LRIG1: variants seen among roughly 807,000 people sequenced by gnomAD.
LRIG1 encodes the protein leucine rich repeats and immunoglobulin like domains 1, also known as leucine-rich repeats and immunoglobulin-like domains protein 1.
A neutral mutation model predicts 99.2 loss-of-function variants in LRIG1; 48 were observed. That is an observed-to-expected ratio of 0.48 (90% CI 0.38 to 0.62). LRIG1 has a LOEUF of 0.62. LRIG1 is among the 20% of genes least tolerant of loss of function. The probability of loss-of-function intolerance (pLI) is 0.00; values close to 1 mark genes in which losing one functional copy is unlikely to be tolerated. For synonymous variants in LRIG1, 772 were observed against 596.1 expected (o/e 1.29, Z -4.30); for missense variants, 1,646 against 1,434.4 (o/e 1.15, Z -2.38).
intron 12 of LRIG1, 117 bp downstream of exon 12, chr3:66,393,923 T>A: frequency 9.3e-7 from 1 of 1,080,350 alleles, no homozygotes. Flanking sequence ...CAGCAGCTGA[T>A]CTGTAACCAC....
chr3:66,448,544 G>A (rs923894602), intron 3 of LRIG1, among the ~76,000 whole-genome samples: 1 of 139,964 alleles, frequency 7.1e-6, no homozygotes, highest in African/African-American at 2.5e-5. Flanking sequence ...AAGCTTCGAG[G>A]GTACTTCTAC....
At chr3:66,475,740 T>A (rs1194389899) in intron 1 of LRIG1, among the ~76,000 whole-genome samples, 1 of 152,194 alleles carries the variant, frequency 6.6e-6, no homozygotes, top group Non-Finnish European at 1.5e-5. Context: ...AGAAAGCACC[T>A]GCACAAACTC....
chr3:66,465,192 G>A (rs1198665010), intron 1 of LRIG1, among the ~76,000 whole-genome samples: 4 of 152,086 alleles, frequency 2.6e-5, no homozygotes, highest in African/African-American at 9.7e-5. Context: ...TTAAGTCTGA[G>A]AAGCAAGTGG....
chr3:66,398,070 CT>C, intron 11 of LRIG1, 41 bp downstream of exon 11: 1 of 1,462,900 alleles, frequency 6.8e-7, no homozygotes, highest in African/African-American at 1.4e-5. Flanking sequence ...CTCTGAAAGT[CT>C]CCACTACCAT....
At chr3:66,467,606 C>A (rs990304676) in intron 1 of LRIG1, among the ~76,000 whole-genome samples, 3 of 152,164 alleles carry the variant, frequency 2.0e-5, no homozygotes, top group African/African-American at 2.4e-5. Context: ...CGTGATGTGC[C>A]CGCCTCGGCC....
chr3:66,457,117 G>A (rs1700245819), intron 2 of LRIG1, among the ~76,000 whole-genome samples: 1 of 152,204 alleles, frequency 6.6e-6, no homozygotes, highest in Non-Finnish European at 1.5e-5. Context: ...ACTGCCTGCT[G>A]TTCTGCCAGC....
rs761254734 is a variant in LRIG1 at position 66,385,965 on chromosome 3, G to C, written c.1789+16C>G. 1.2e-6 allele frequency: 2 copies of C among 1,606,446 alleles called. No homozygotes were observed. The highest frequency in any genetic ancestry group is 1.7e-4 in the Middle Eastern group (1 of 6,034). On this transcript the variant is annotated intron_variant, in intron 13 of 18. Transcript: ENST00000273261. ...TGTAGGATTCTGGTACTATAACAAA[G>C]ATGGTGTTTCCATACCATTCACGGT...
intron 9 of LRIG1, chr3:66,401,531 T>A: frequency 2.0e-6 from 2 of 986,350 alleles, no homozygotes; most frequent in Non-Finnish European, 2.9e-6. Flanking sequence ...ACGGTGACAA[T>A]AGCAATAAAA....
At chr3:66,484,273 T>A (rs1043185770) in intron 1 of LRIG1, among the ~76,000 whole-genome samples, 1 of 152,198 alleles carries the variant, frequency 6.6e-6, no homozygotes, top group Non-Finnish European at 1.5e-5. Context: ...ACTATCTCTA[T>A]CTACACTGGT....
chr3:66,434,755 TAAA>T (rs71616222), intron 3 of LRIG1, among the ~76,000 whole-genome samples: 1 of 100,262 alleles, frequency 1.0e-5, no homozygotes, highest in Non-Finnish European at 2.3e-5. Context: ...TCAAAAAAAT[TAAA>T]AAAAAAAAAA....
At position 66,407,395 on chromosome 3, in the gene LRIG1, G is replaced by A; in HGVS notation, c.1032C>T (p.Ser344=). ...CCTTGAAGGCACCCTCCGCAATGTG[G>A]CTGATGGAATTGTGGCTGAGACGCA... The part of the protein sequence containing the change: ...SVLRLSHNSI[S]HIAEGAFKGL... Residue 344 remains serine, a synonymous_variant, in exon 8 of 19, where the codon AGC becomes AGT. Transcript: ENST00000273261. 1 of 1,614,124 alleles carries A rather than the reference G, an allele frequency of 6.2e-7. No homozygotes were observed. The highest frequency in any genetic ancestry group is 2.2e-5 in the East Asian group (1 of 44,872).
At chr3:66,405,614 T>C (rs954326434) in intron 8 of LRIG1, 3 of 675,030 alleles carry the variant, frequency 4.4e-6, no homozygotes, top group Non-Finnish European at 6.3e-6. Flanking sequence ...GCACTGAGAA[T>C]CAACCCAAAA....
rs140011990 is a variant in LRIG1 at position 66,419,729 on chromosome 3, T to C, written c.366-2463A>G. Among the ~76,000 whole-genome samples, 222 of 152,042 alleles carry C rather than the reference T, an allele frequency of 1.5e-3. 1 individual carries two copies. Among genetic ancestry groups the C allele is most frequent in the African/African-American group, 5.0e-3 (209 of 41,480 alleles). ...GAGACAGGCACAAGAGACCCTCTGA[T>C]TAGGTCCTACCCACCCTACCAGCTC... On this transcript the variant is annotated intron_variant, in intron 3 of 18. Transcript: ENST00000273261.
intron 3 of LRIG1, among the ~76,000 whole-genome samples, chr3:66,443,648 T>C (rs1186802729): frequency 1.3e-5 from 2 of 152,198 alleles, no homozygotes; most frequent in African/African-American, 4.8e-5. Context: ...GTATGACAAC[T>C]GTCTGTTCAC....
chr3:66,430,646 C>T (rs1482642475), intron 3 of LRIG1, among the ~76,000 whole-genome samples: 2 of 152,136 alleles, frequency 1.3e-5, no homozygotes, highest in Non-Finnish European at 2.9e-5. Context: ...TTCTAAGGGG[C>T]TTGAGGAGTT....
intron 1 of LRIG1, among the ~76,000 whole-genome samples, chr3:66,467,744 A>G (rs142459048): frequency 7.4e-4 from 113 of 152,376 alleles, no homozygotes; most frequent in African/African-American, 2.6e-3. Context: ...GGTTATTTCT[A>G]TCAGCACTGA....
chr3:66,461,522 G>A (rs904655290), intron 2 of LRIG1, among the ~76,000 whole-genome samples: 1 of 152,086 alleles, frequency 6.6e-6, no homozygotes, highest in East Asian at 1.9e-4. Flanking sequence ...TCTTATGTAA[G>A]GATAAGTAGG....
intron 1 of LRIG1, among the ~76,000 whole-genome samples, chr3:66,490,375 G>T (rs1009256514): frequency 2.0e-5 from 3 of 152,142 alleles, no homozygotes; most frequent in Admixed American, 6.5e-5. Flanking sequence ...TGGAAGCAAC[G>T]AGCTCTTCTG....
At chr3:66,403,758 G>A (rs904371791) in intron 9 of LRIG1, among the ~76,000 whole-genome samples, 1 of 152,210 alleles carries the variant, frequency 6.6e-6, no homozygotes, top group African/African-American at 2.4e-5. Flanking sequence ...AACGGCTCCA[G>A]GTTCCTCCGG....
Sources: allele counts gnomAD v4.1 joint callset (sites outside exome capture counted in the v4.1 genomes callset), GRCh38; gene constraint gnomAD v4.1.1; transcripts MANE v1.5; gene names NCBI Gene and HGNC (gene_info 2026-07-23, HGNC 2026-07-21).